Variants in CACNG1 observed in about 807,000 individuals in gnomAD.
CACNG1 encodes calcium voltage-gated channel auxiliary subunit gamma 1.
In CACNG1, 21 loss-of-function variants were observed where a neutral mutation model predicts 22.0. That is an observed-to-expected ratio of 0.95 (90% CI 0.68 to 1.37). The LOEUF (loss-of-function observed/expected upper bound fraction) is 1.37. Among genes scored for constraint, CACNG1 ranks in the 40% most tolerant of loss-of-function variants. The probability of loss-of-function intolerance (pLI) is 0.00; values close to 1 mark genes in which losing one functional copy is unlikely to be tolerated. For synonymous variants in CACNG1, 127 were observed against 129.2 expected, an observed-to-expected ratio of 0.98 and a Z score of 0.12; for missense variants, 291 against 308.6, an observed-to-expected ratio of 0.94 and a Z score of 0.43.
chr17:67,055,210 C>G lies in CACNG1; in HGVS notation c.412C>G (p.Arg138Gly). The G allele has an allele frequency of 6.2e-7, 1 of 1,614,082 alleles. No individual in the cohort carries two copies. The highest frequency in any genetic ancestry group is 1.1e-5 in the South Asian group (1 of 91,074). Residue 138 changes from arginine (R) to glycine (G), a missense_variant, in exon 3 of 4, where the codon CGA (arginine) becomes GGA (glycine). By Grantham distance (125) the Arg-to-Gly change is moderately radical (BLOSUM62 -2). Coordinates refer to ENST00000226021, the MANE Select transcript of CACNG1 (RefSeq NM_000727.4). This position sits in a 1 kb window ranked among gnomAD's most constrained non-coding sequence, Gnocchi z 4.5. Reference protein sequence around the residue: ...SLGKKRDYLLRPASMFYAFAG... With the variant: ...SLGKKRDYLLGPASMFYAFAG... ...CGGGAAGAAGAGGGACTATCTGCTG[C>G]GACCCGCGTCCATGTTCTATGCCTT... is the stretch of plus-strand genomic sequence containing the variant.
rs543204962 is a variant in CACNG1 at position 67,054,988 on chromosome 17, CAAT to C, written c.305-114_305-112del. The C allele has an allele frequency of 1.6e-3, 1,629 of 1,048,346 alleles. 14 individuals are homozygous for C. The highest frequency in any genetic ancestry group is 0.013 in the Admixed American group (599 of 45,668). The allele number at this position is 1,048,346 out of a possible 1,614,324, so 64.9% of individuals were successfully genotyped here. ...CAGAGACACACACTTGACACACACA[CAAT>C]GACACACACAGACACTGACACACAC... On this transcript the variant is annotated intron_variant, in intron 2 of 3. Coordinates refer to ENST00000226021, the MANE Select transcript of CACNG1 (RefSeq NM_000727.4). The surrounding 1 kb of genome is among the most constrained non-coding windows in gnomAD (Gnocchi z 4.6).
In CACNG1 at chr17:67,055,079, G is replaced by A; in HGVS notation, c.305-24G>A. Reference sequence around the variant, plus strand: ...AAGAGCTCCCATGCTGAGGCCGCATGCTGGGTGTCCCTTGTGTTTGCAGAG... The same window carrying A: ...AAGAGCTCCCATGCTGAGGCCGCATACTGGGTGTCCCTTGTGTTTGCAGAG... On this transcript the variant is annotated intron_variant, in intron 2 of 3. Coordinates refer to ENST00000226021, the MANE Select transcript of CACNG1 (RefSeq NM_000727.4). The surrounding 1 kb of genome is among the most constrained non-coding windows in gnomAD (Gnocchi z 4.5). 1 of 1,605,426 alleles carries A rather than the reference G, an allele frequency of 6.2e-7. No individual in the cohort carries two copies. The highest frequency in any genetic ancestry group is 8.5e-7 in the Non-Finnish European group (1 of 1,173,658).
At chr17:67,047,272 A>G (rs963469251) in intron 1 of CACNG1, among the ~76,000 whole-genome samples, 1 of 152,244 alleles carries the variant, frequency 6.6e-6, no homozygotes, top group Admixed American at 6.5e-5. Flanking sequence ...TAGTAATGAG[A>G]AGGCTGGCAG....
chr17:67,045,048 T>C (rs111693694), intron 1 of CACNG1, among the ~76,000 whole-genome samples, 159 bp downstream of exon 1: 9,040 of 152,288 alleles, frequency 0.059, 607 homozygotes, highest in African/African-American at 0.16. Flanking sequence ...ATTGCATGTG[T>C]GGTGCTGGTG....
In CACNG1 at chr17:67,055,028, T is replaced by C. The variant is rs530756425; in HGVS notation, c.305-75T>C. On this transcript the variant is annotated intron_variant, in intron 2 of 3. Transcript: ENST00000226021. The surrounding 1 kb of genome is among the most constrained non-coding windows in gnomAD (Gnocchi z 4.5). Reference sequence around the variant, plus strand: ...ACACTGACACACACACTGTGGTGCATGGTGTGGTCCCTAACGAGCCATGAC... The same window carrying C: ...ACACTGACACACACACTGTGGTGCACGGTGTGGTCCCTAACGAGCCATGAC... The C allele has an allele frequency of 2.1e-4, 306 of 1,444,202 alleles. No individual in the cohort carries two copies. The African/African-American group carries it at 3.9e-3, about 18-fold the overall frequency. 89.5% of individuals were successfully genotyped at this position (1,444,202 alleles called of 1,614,324 possible). A position where few individuals can be genotyped will look rare whatever the true frequency, so the allele number is the denominator to read the frequency against.
chr17:67,054,199 T>C lies in CACNG1; in HGVS notation c.304+129T>C, dbSNP rs773677290. ...TGATGAGAAGAAGCCTGTGGTGCAT[T>C]TGAACAACAGCCTTGTCAGCTCCCC... On this transcript the variant is annotated intron_variant, in intron 2 of 3. Transcript: ENST00000226021. The surrounding 1 kb of genome is among the most constrained non-coding windows in gnomAD (Gnocchi z 4.6). 4 of 736,012 alleles carry C rather than the reference T, an allele frequency of 5.4e-6. No homozygotes were observed. The highest frequency in any genetic ancestry group is 9.4e-6 in the Non-Finnish European group (4 of 424,866). The allele number at this position is 736,012 out of a possible 1,614,324, so 45.6% of individuals were successfully genotyped here.
rs1208239174 is a variant in CACNG1, at chr17:67,054,277, C to T, written c.304+207C>T. Among the ~76,000 whole-genome samples, 1 of 152,208 alleles carries T rather than the reference C, an allele frequency of 6.6e-6. No homozygotes were observed. Among genetic ancestry groups the T allele is most frequent in the East Asian group, 1.9e-4 (1 of 5,192 alleles). On this transcript the variant is annotated intron_variant, in intron 2 of 3. Transcript: ENST00000226021. The surrounding 1 kb of genome is among the most constrained non-coding windows in gnomAD (Gnocchi z 4.6). Reference sequence around the variant, plus strand: ...CCATCTCCAGGGCCCGGAGCTTCCACACCTCGGGGCCAGGGAGCGTTTGCA... The same window carrying T: ...CCATCTCCAGGGCCCGGAGCTTCCATACCTCGGGGCCAGGGAGCGTTTGCA...
At position 67,054,168 on chromosome 17, in the gene CACNG1, C is replaced by A; in HGVS notation, c.304+98C>A. 1 of 951,622 alleles carries A rather than the reference C, an allele frequency of 1.1e-6. No homozygotes were observed. The highest frequency in any genetic ancestry group is 1.7e-6 in the Non-Finnish European group (1 of 583,434). The allele number at this position is 951,622 out of a possible 1,614,324, so 58.9% of individuals were successfully genotyped here. A position where few individuals can be genotyped will look rare whatever the true frequency, so the allele number is the denominator to read the frequency against. On this transcript the variant is annotated intron_variant, in intron 2 of 3. Transcript: ENST00000226021. The surrounding 1 kb of genome is among the most constrained non-coding windows in gnomAD (Gnocchi z 4.6). The stretch of plus-strand genomic sequence containing the variant: ...TCATTGGCAAAAGCACTGACTTCCT[C>A]ACGCCTGATGAGAAGAAGCCTGTGG...
chr17:67,056,038 C>T lies in CACNG1; in HGVS notation c.443-7C>T. On this transcript the variant is annotated splice_polypyrimidine_tract_variant and splice_region_variant and intron_variant, in intron 3 of 3. Coordinates refer to ENST00000226021, the MANE Select transcript of CACNG1 (RefSeq NM_000727.4). This position sits in a 1 kb window ranked among gnomAD's most constrained non-coding sequence, Gnocchi z 4.3. ...CGGTCCCTGAGCATGCCTGGCTCTGCCCCCAGGTCTCTGCATCCTCGTCTC... is the reference window on the plus strand; with the variant it reads ...CGGTCCCTGAGCATGCCTGGCTCTGTCCCCAGGTCTCTGCATCCTCGTCTC... 6.2e-7 allele frequency: 1 copy of T among 1,606,178 alleles called. No homozygotes were observed. Among genetic ancestry groups the T allele is most frequent in the Non-Finnish European group, 8.5e-7 (1 of 1,177,434 alleles).
chr17:67,054,738 ACT>A lies in CACNG1; in HGVS notation c.305-364_305-363del, dbSNP rs2035749182. ...ATGACACACAGTGACACAGACACAC[ACT>A]GATACACATGCATGATGACACACAA... On this transcript the variant is annotated intron_variant, in intron 2 of 3. Transcript: ENST00000226021. The surrounding 1 kb of genome is among the most constrained non-coding windows in gnomAD (Gnocchi z 4.6). 6.6e-6 allele frequency among the ~76,000 whole-genome samples: 1 copy of A among 150,690 alleles called. No individual in the cohort carries two copies. The highest frequency in any genetic ancestry group is 1.5e-5 in the Non-Finnish European group (1 of 67,728).
intron 1 of CACNG1, among the ~76,000 whole-genome samples, chr17:67,049,499 G>T (rs940481987): frequency 3.9e-5 from 6 of 152,132 alleles, no homozygotes; most frequent in Non-Finnish European, 7.4e-5. Flanking sequence ...TCTACAGGTG[G>T]TTCTTATTCT....
At chr17:67,051,015 A>T (rs779463250) in intron 1 of CACNG1, among the ~76,000 whole-genome samples, 1 of 152,174 alleles carries the variant, frequency 6.6e-6, no homozygotes, top group Non-Finnish European at 1.5e-5. Context: ...GCAAAGCTGC[A>T]ATCCCTGAGC....
rs772739042 is a variant in CACNG1 at position 67,055,215 on chromosome 17, C to CTTT, written c.417_418insTTT (p.Pro139_Ala140insPhe). The CTTT allele has an allele frequency of 6.2e-7, 1 of 1,614,080 alleles. No individual in the cohort carries two copies. Among genetic ancestry groups the CTTT allele is most frequent in the Non-Finnish European group, 8.5e-7 (1 of 1,179,966 alleles). ...AGAAGAGGGACTATCTGCTGCGACCCGCGTCCATGTTCTATGCCTTTGCAG... is the reference window on the plus strand; with the variant it reads ...AGAAGAGGGACTATCTGCTGCGACCCTTTGCGTCCATGTTCTATGCCTTTGCAG... On this transcript the variant is annotated inframe_insertion, in exon 3 of 4. Coordinates refer to ENST00000226021, the MANE Select transcript of CACNG1 (RefSeq NM_000727.4). This position sits in a 1 kb window ranked among gnomAD's most constrained non-coding sequence, Gnocchi z 4.5.
At position 67,055,488 on chromosome 17, in the gene CACNG1, G is replaced by A. The variant is rs2035756155; in HGVS notation, c.442+248G>A. Among the ~76,000 whole-genome samples, 2 of 152,148 alleles carry A rather than the reference G, an allele frequency of 1.3e-5. No individual in the cohort carries two copies. The highest frequency in any genetic ancestry group is 6.5e-5 in the Admixed American group (1 of 15,280). On this transcript the variant is annotated intron_variant, in intron 3 of 3. Transcript: ENST00000226021. The surrounding 1 kb of genome is among the most constrained non-coding windows in gnomAD (Gnocchi z 4.5). ...GCCCCAAAGAAACTGCCCAGAGAAT[G>A]ATTAACAAAAGAAGGAAAGAAACGT...
chr17:67,055,026 C>A lies in CACNG1; in HGVS notation c.305-77C>A. 6.9e-7 allele frequency: 1 copy of A among 1,445,162 alleles called. No homozygotes were observed. The allele number at this position is 1,445,162 out of a possible 1,614,324, so 89.5% of individuals were successfully genotyped here. Reference sequence around the variant, plus strand: ...AGACACTGACACACACACTGTGGTGCATGGTGTGGTCCCTAACGAGCCATG... The same window carrying A: ...AGACACTGACACACACACTGTGGTGAATGGTGTGGTCCCTAACGAGCCATG... On this transcript the variant is annotated intron_variant, in intron 2 of 3. Transcript: ENST00000226021. The surrounding 1 kb of genome is among the most constrained non-coding windows in gnomAD (Gnocchi z 4.5).
At chr17:67,049,527 T>G (rs988656038) in intron 1 of CACNG1, among the ~76,000 whole-genome samples, 7 of 152,188 alleles carry the variant, frequency 4.6e-5, no homozygotes, top group African/African-American at 1.7e-4. Context: ...GGTCTCATTC[T>G]ACAGGTGGTT....
rs76510674 is a variant in CACNG1 at position 67,056,476 on chromosome 17, A to G, written c.*205A>G. ...GGGAATAGAGCAAGACGTGAGTCCT[A>G]ACCTGGCCACAGTTGGGGGAGGCAG... On this transcript the variant is annotated 3_prime_UTR_variant, in exon 4 of 4. Transcript: ENST00000226021. The surrounding 1 kb of genome is among the most constrained non-coding windows in gnomAD (Gnocchi z 4.3). The G allele has an allele frequency of 0.016, 9,666 of 593,032 alleles. 129 individuals carry two copies. The highest frequency in any genetic ancestry group is 0.029 in the African/African-American group (1,539 of 53,724). 36.7% of individuals were successfully genotyped at this position (593,032 alleles called of 1,614,324 possible).
In CACNG1 at chr17:67,054,365, T is replaced by C. The variant is rs189976202; in HGVS notation, c.304+295T>C. On this transcript the variant is annotated intron_variant, in intron 2 of 3. Transcript: ENST00000226021. The surrounding 1 kb of genome is among the most constrained non-coding windows in gnomAD (Gnocchi z 4.6). ...GCTGTTGTGACGGGAGGTGTGGATG[T>C]GGAACAAATGCTCAGAAGCCCCGTG... 3.5e-4 allele frequency among the ~76,000 whole-genome samples: 53 copies of C among 152,098 alleles called. No individual in the cohort carries two copies. Among genetic ancestry groups the C allele is most frequent in the African/African-American group, 1.2e-3 (49 of 41,490 alleles).
At chr17:67,051,128 C>T (rs1010691719) in intron 1 of CACNG1, among the ~76,000 whole-genome samples, 1 of 152,198 alleles carries the variant, frequency 6.6e-6, no homozygotes, top group African/African-American at 2.4e-5. Flanking sequence ...CACGGTCCCT[C>T]TCCTCTTGAC....
Sources: allele counts gnomAD v4.1 joint callset (sites outside exome capture counted in the v4.1 genomes callset), GRCh38; gene constraint gnomAD v4.1.1; non-coding constraint Gnocchi (gnomAD v3.1); transcripts MANE v1.5; gene names NCBI Gene and HGNC (gene_info 2026-07-23, HGNC 2026-07-21).